The following PRMT8 variants were observed in gnomAD, a reference collection of about 807,000 sequenced individuals.
PRMT8 encodes the protein protein arginine methyltransferase 8, also known as protein arginine N-methyltransferase 8.
In PRMT8, 7 loss-of-function variants were observed where a neutral mutation model predicts 47.1. That is an observed-to-expected ratio of 0.15 (90% confidence interval 0.08 to 0.28). The LOEUF is 0.28. Among genes scored for constraint, PRMT8 ranks in the 10% least tolerant of loss-of-function variants. The pLI is 1.00. For synonymous variants in PRMT8, 188 were observed against 186.5 expected (o/e 1.01, Z -0.07); for missense variants, 237 against 505.4 (o/e 0.47, Z 5.09).
At chr12:3,558,695 C>T (rs1381589017) in intron 4 of PRMT8, among the ~76,000 whole-genome samples, 1 of 152,146 alleles carries the variant, frequency 6.6e-6, no homozygotes, top group Non-Finnish European at 1.5e-5. Flanking sequence ...TGCGCTGGTT[C>T]CTCGTGATTG....
At chr12:3,578,991 AG>A (rs965097833) in intron 7 of PRMT8, among the ~76,000 whole-genome samples, 1 of 152,182 alleles carries the variant, frequency 6.6e-6, no homozygotes, top group African/African-American at 2.4e-5. Flanking sequence ...TTCTGGGTCC[AG>A]GCAGGATTAA....
intron 7 of PRMT8, among the ~76,000 whole-genome samples, chr12:3,577,545 G>A (rs1009410822): frequency 2.6e-5 from 4 of 152,034 alleles, no homozygotes; most frequent in East Asian, 1.9e-4. Flanking sequence ...CTTCCTGAGC[G>A]TCCCTGTTTG....
chr12:3,494,936 T>C (rs993396704), intron 1 of PRMT8, among the ~76,000 whole-genome samples: 4 of 152,112 alleles, frequency 2.6e-5, no homozygotes, highest in African/African-American at 9.7e-5. Flanking sequence ...AAACACGCAA[T>C]AGTGTTAGTT....
intron 1 of PRMT8, among the ~76,000 whole-genome samples, chr12:3,386,677 C>T (rs931315990): frequency 2.0e-5 from 3 of 152,032 alleles, no homozygotes; most frequent in African/African-American, 7.2e-5. Flanking sequence ...CAGTGTTCAT[C>T]AAGGTGTTCA....
intron 1 of PRMT8, among the ~76,000 whole-genome samples, chr12:3,530,469 A>G (rs774424309): frequency 6.6e-6 from 1 of 152,236 alleles, no homozygotes; most frequent in Non-Finnish European, 1.5e-5. Context: ...AGCAAAATAA[A>G]TAGGAACATA....
intron 2 of PRMT8, among the ~76,000 whole-genome samples, chr12:3,543,962 C>G (rs1866280899): frequency 6.6e-6 from 1 of 152,208 alleles, no homozygotes; most frequent in African/African-American, 2.4e-5. Context: ...AGAATCTTTG[C>G]CAATGCGGCT....
chr12:3,549,956 G>A lies in PRMT8; in HGVS notation c.282G>A (p.Val94=). 1.9e-6 allele frequency: 3 copies of A among 1,614,144 alleles called. No homozygotes were observed. The highest frequency in any genetic ancestry group is 1.1e-5 in the South Asian group (1 of 91,076). Residue 94 remains valine (V), a synonymous_variant, in exon 3 of 10, where the codon GTG becomes GTA. Transcript: ENST00000382622. ...CACAGGAAATGCTGAAGGATGAGGT[G>A]CGGACTCTCACTTACCGGAACTCCA... ...GIHEEMLKDE[V]RTLTYRNSMY...
chr12:3,449,191 T>C (rs901620348), intron 1 of PRMT8, among the ~76,000 whole-genome samples: 2 of 152,240 alleles, frequency 1.3e-5, no homozygotes, highest in Non-Finnish European at 2.9e-5. Flanking sequence ...GGTGCTGCAG[T>C]GAATATACGT....
chr12:3,488,722 T>C (rs573935000), upstream of PRMT8, among the ~76,000 whole-genome samples: 4 of 152,302 alleles, frequency 2.6e-5, no homozygotes, highest in South Asian at 8.3e-4. Context: ...TATGCTAATA[T>C]ATTTTTGCAA....
intron 1 of PRMT8, among the ~76,000 whole-genome samples, chr12:3,449,669 C>T (rs1864898013): frequency 6.6e-6 from 1 of 152,046 alleles, no homozygotes; most frequent in South Asian, 2.1e-4. Context: ...ACTTTTTCTC[C>T]CATTCTTTAT....
At chr12:3,577,211 G>C (rs774122047) in intron 7 of PRMT8, among the ~76,000 whole-genome samples, 15 of 152,228 alleles carry the variant, frequency 9.9e-5, no homozygotes, top group Non-Finnish European at 2.1e-4. Flanking sequence ...GAGGGCCCCA[G>C]CACAGGGGCC....
At chr12:3,398,090 A>G (rs1052635547) in intron 1 of PRMT8, among the ~76,000 whole-genome samples, 2 of 152,028 alleles carry the variant, frequency 1.3e-5, no homozygotes, top group Non-Finnish European at 2.9e-5. Flanking sequence ...GCACCCACTG[A>G]CCTGCGCCCA....
At chr12:3,515,334 C>T (rs1325304466) in intron 1 of PRMT8, among the ~76,000 whole-genome samples, 11 of 152,116 alleles carry the variant, frequency 7.2e-5, no homozygotes, top group Admixed American at 7.2e-4. Context: ...GGTCCCTGGG[C>T]CAGTAGCATC....
chr12:3,513,529 T>A (rs1319734426), intron 1 of PRMT8, among the ~76,000 whole-genome samples: 1 of 152,212 alleles, frequency 6.6e-6, no homozygotes, highest in Admixed American at 6.5e-5. Flanking sequence ...TTCTAGCACA[T>A]CTTGGAATGT....
Position 3,593,108 on chromosome 12 carries a change from G to C in PRMT8, c.1111G>C (p.Asp371His). Residue 371 changes from aspartate (D) to histidine (H), a missense_variant, in exon 10 of 10, where the codon GAT becomes CAT. Coordinates refer to ENST00000382622, the MANE Select transcript of PRMT8 (RefSeq NM_019854.5). This position sits in a 1 kb window ranked among gnomAD's most constrained non-coding sequence, Gnocchi z 4.8. ...TCTCTCTGCCTTGCAGCGAGACCTC[G>C]ATTTCACAGTAGACTTGGATTTTAA... ...KPNAKNVRDL[D>H]FTVDLDFKGQ... is the part of the protein sequence containing the mutation. 6.2e-7 allele frequency: 1 copy of C among 1,614,058 alleles called. No individual in the cohort carries two copies. Among genetic ancestry groups the C allele is most frequent in the Non-Finnish European group, 8.5e-7 (1 of 1,179,972 alleles).
rs1865671446 is a variant in PRMT8 at position 3,508,948 on chromosome 12, C to CA, written c.75+17249dup. Among the ~76,000 whole-genome samples the CA allele has an allele frequency of 6.6e-6, 1 of 152,188 alleles. No homozygotes were observed. The highest frequency in any genetic ancestry group is 2.4e-5 in the African/African-American group (1 of 41,456). ...TCCATAACAAGACCTGGCGATTCTA[C>CA]ATCTGAAATGTTTCTCCTCTTTGTC... On this transcript the variant is annotated intron_variant, in intron 1 of 9. Transcript: ENST00000382622. This position sits in a 1 kb window ranked among gnomAD's most constrained non-coding sequence, Gnocchi z 4.9.
At chr12:3,491,157 C>G, upstream of PRMT8, 1 of 986,802 alleles carries the variant, frequency 1.0e-6, no homozygotes, top group Non-Finnish European at 1.2e-6. Context: ...ACCCCGCCCC[C>G]ACTCACCCGG....
At position 3,456,162 on chromosome 12, in the gene PRMT8, A is replaced by G. The variant is rs1256326131; in HGVS notation, c.48+74720A>G. Among the ~76,000 whole-genome samples, 1 of 152,088 alleles carries G rather than the reference A, an allele frequency of 6.6e-6. No individual in the cohort carries two copies. Among genetic ancestry groups the G allele is most frequent in the Non-Finnish European group, 1.5e-5 (1 of 68,004 alleles). ...AGTGCTTTTCTTCCTCACTTAAACC[A>G]CATTTCCGATGACCACATCCAAGTA... On this transcript the variant is annotated intron_variant, in intron 1 of 9. Coordinates refer to the PRMT8 transcript ENST00000452611. This position sits in a 1 kb window ranked among gnomAD's most constrained non-coding sequence, Gnocchi z 4.2.
intron 7 of PRMT8, among the ~76,000 whole-genome samples, chr12:3,577,678 A>AT (rs35046315): frequency 2.9e-4 from 44 of 151,164 alleles, no homozygotes; most frequent in East Asian, 2.2e-3. Context: ...TTTTTGTGGG[A>AT]TTTTTTTTTT....
Sources: allele counts gnomAD v4.1 joint callset (sites outside exome capture counted in the v4.1 genomes callset), GRCh38; gene constraint gnomAD v4.1.1; non-coding constraint Gnocchi (gnomAD v3.1); transcripts MANE v1.5; gene names NCBI Gene and HGNC (gene_info 2026-07-23, HGNC 2026-07-21).